Variants in CNTNAP5 observed in about 807,000 individuals in gnomAD.
CNTNAP5 encodes the protein contactin associated protein family member 5.
CNTNAP5 carries 72 observed loss-of-function variants against 150.2 expected under a neutral mutation model. The ratio of observed to expected loss-of-function variants is 0.48; its 90% CI spans 0.40 to 0.58. CNTNAP5 has a LOEUF of 0.58. Ranked by LOEUF, CNTNAP5 falls within the 20% of genes least tolerant of loss-of-function variation. The pLI is 0.00. For synonymous variants in CNTNAP5, 672 were observed against 619.8 expected, an observed-to-expected ratio of 1.08 and a Z score of -1.25; for missense variants, 1,636 against 1,626.2, an observed-to-expected ratio of 1.01 and a Z score of -0.10.
At chr2:124,874,245 G>A (rs970721959) in intron 21 of CNTNAP5, among the ~76,000 whole-genome samples, 4 of 152,000 alleles carry the variant, frequency 2.6e-5, no homozygotes. Flanking sequence ...CTGGCCTATT[G>A]CATCAGTGAA....
chr2:124,499,816 C>T (rs181816899), intron 7 of CNTNAP5, among the ~76,000 whole-genome samples: 111 of 152,204 alleles, frequency 7.3e-4, no homozygotes, highest in African/African-American at 2.6e-3. Context: ...AAAGTAGGGC[C>T]AGGATCTCTA....
At chr2:124,839,043 G>A (rs1182625661) in intron 19 of CNTNAP5, among the ~76,000 whole-genome samples, 8 of 151,950 alleles carry the variant, frequency 5.3e-5, no homozygotes, top group Non-Finnish European at 8.8e-5. Flanking sequence ...CAAAATTTAG[G>A]GTACTACGGA....
At chr2:124,340,450 C>T (rs1689582122) in intron 3 of CNTNAP5, among the ~76,000 whole-genome samples, 2 of 151,936 alleles carry the variant, frequency 1.3e-5, no homozygotes, top group Admixed American at 6.6e-5. Flanking sequence ...GAGGAGTAAT[C>T]AGTGATTTTC....
In CNTNAP5 at chr2:124,775,627, G is replaced by A. The variant is rs796576927; in HGVS notation, c.2752+2610G>A. Among the ~76,000 whole-genome samples the A allele has an allele frequency of 3.8e-4, 58 of 152,264 alleles. 1 individual carries two copies. The highest frequency in any genetic ancestry group is 1.3e-3 in the African/African-American group (54 of 41,554). On this transcript the variant is annotated intron_variant, in intron 17 of 23. Coordinates refer to ENST00000682447, the MANE Select transcript of CNTNAP5 (RefSeq NM_001367498.1). ...CTGCCCCTGTCATTGGAATGTGACAGGTTGAAGTGCTGATACATGAGTCAA... is the reference window on the plus strand; with the variant it reads ...CTGCCCCTGTCATTGGAATGTGACAAGTTGAAGTGCTGATACATGAGTCAA...
At chr2:124,368,726 G>A (rs1299912503) in intron 3 of CNTNAP5, among the ~76,000 whole-genome samples, 2 of 152,158 alleles carry the variant, frequency 1.3e-5, no homozygotes, top group Non-Finnish European at 2.9e-5. Flanking sequence ...AACACAGAGA[G>A]TGGTAAACTT....
chr2:124,844,618 C>T (rs1683009312), intron 19 of CNTNAP5, among the ~76,000 whole-genome samples: 1 of 152,054 alleles, frequency 6.6e-6, no homozygotes, highest in South Asian at 2.1e-4. Context: ...AATATTGATT[C>T]TACCCATCCA....
intron 11 of CNTNAP5, among the ~76,000 whole-genome samples, chr2:124,578,288 C>A (rs1696338299): frequency 6.7e-6 from 1 of 149,738 alleles, no homozygotes; most frequent in South Asian, 2.1e-4. Context: ...TGAGATGGAA[C>A]CACTGCACTC....
chr2:124,260,758 T>G (rs1687432592), intron 3 of CNTNAP5, among the ~76,000 whole-genome samples: 1 of 152,164 alleles, frequency 6.6e-6, no homozygotes, highest in African/African-American at 2.4e-5. Context: ...AAGGAAACAT[T>G]CATTCATTCA....
chr2:124,622,585 C>T (rs781692306), intron 12 of CNTNAP5, among the ~76,000 whole-genome samples: 8 of 152,176 alleles, frequency 5.3e-5, no homozygotes, highest in Admixed American at 1.3e-4. Flanking sequence ...ATACTCCCAC[C>T]GACAGTGTAA....
At chr2:124,834,347 C>A (rs1453374213) in intron 19 of CNTNAP5, among the ~76,000 whole-genome samples, 1 of 151,322 alleles carries the variant, frequency 6.6e-6, no homozygotes, top group African/African-American at 2.4e-5. Flanking sequence ...AAAAACAATG[C>A]TTTAGACAAT....
chr2:124,893,327 C>T (rs75362182), intron 21 of CNTNAP5, among the ~76,000 whole-genome samples: 1,735 of 152,150 alleles, frequency 0.011, 36 homozygotes, highest in African/African-American at 0.039. Context: ...CATTAGAGAT[C>T]GATTTGTGAG....
Position 124,902,906 on chromosome 2 carries a change from T to G in CNTNAP5, c.3461T>G (p.Val1154Gly). The G allele has an allele frequency of 6.2e-7, 1 of 1,609,748 alleles. No individual in the cohort carries two copies. The highest frequency in any genetic ancestry group is 8.5e-7 in the Non-Finnish European group (1 of 1,176,878). Residue 1154 changes from valine (V) to glycine (G), a missense_variant, in exon 22 of 24, where the codon GTT (valine) becomes GGT (glycine). Coordinates refer to ENST00000682447, the MANE Select transcript of CNTNAP5 (RefSeq NM_001367498.1). ...GAGAATCTTGGTTTGGATTCTGAAG[T>G]TGCTAAAGCAAATGCCATGGGTTTT... The part of the protein sequence containing the change: ...VTENLGLDSE[V>G]AKANAMGFAG...
At chr2:124,440,101 C>T (rs932353324) in intron 5 of CNTNAP5, among the ~76,000 whole-genome samples, 4 of 152,118 alleles carry the variant, frequency 2.6e-5, no homozygotes, top group Non-Finnish European at 5.9e-5. Context: ...AATCTTGTGG[C>T]TTCTTGGAGA....
intron 1 of CNTNAP5, among the ~76,000 whole-genome samples, chr2:124,107,966 G>A (rs530731223): frequency 5.1e-4 from 78 of 152,314 alleles, no homozygotes; most frequent in African/African-American, 1.7e-3. Flanking sequence ...ACAAAAGGTT[G>A]CATTATTTTG....
intron 1 of CNTNAP5, among the ~76,000 whole-genome samples, chr2:124,084,963 C>G (rs747995383): frequency 1.0e-4 from 11 of 108,940 alleles, no homozygotes; most frequent in Admixed American, 1.4e-4. Context: ...GCTTTGTTGC[C>G]CAGGCTGGAG....
Position 124,902,980 on chromosome 2 carries a change from G to C in CNTNAP5, c.3535G>C (p.Ala1179Pro). ...GTACAACCACATAGCACCACTGAAG[G>C]CTGCCCTGCGCCATGCCACTGTCGC... Reference protein sequence around the residue: ...VQYNHIAPLKAALRHATVAPV... With the variant: ...VQYNHIAPLKPALRHATVAPV... The change falls in exon 22 of 24, where the codon GCT (alanine) becomes CCT (proline). Residue 1179 changes from alanine to proline, a missense_variant. Ala to Pro is a conservative substitution (Grantham distance 27, BLOSUM62 -1). Transcript: ENST00000682447. 1.2e-6 allele frequency: 2 copies of C among 1,612,882 alleles called. No homozygotes were observed. Among genetic ancestry groups the C allele is most frequent in the Non-Finnish European group, 1.7e-6 (2 of 1,179,424 alleles).
At chr2:124,887,086 G>C (rs1678096606) in intron 21 of CNTNAP5, among the ~76,000 whole-genome samples, 1 of 152,018 alleles carries the variant, frequency 6.6e-6, no homozygotes, top group Admixed American at 6.6e-5. Flanking sequence ...AAGTATGGTT[G>C]TTAAGTGGAC....
intron 1 of CNTNAP5, among the ~76,000 whole-genome samples, chr2:124,026,481 CCCGGGGATCCA>C (rs1475893944): frequency 3.3e-5 from 5 of 152,184 alleles, no homozygotes; most frequent in African/African-American, 1.2e-4. Context: ...AGCCTGGGCT[CCCGGGGATCCA>C]CCAACTGCAC....
intron 19 of CNTNAP5, among the ~76,000 whole-genome samples, chr2:124,844,716 AT>A (rs199524097): frequency 6.7e-6 from 1 of 150,360 alleles, no homozygotes; most frequent in South Asian, 2.1e-4. Flanking sequence ...GGTTTTTAAA[AT>A]TTTTTTTTCC....
Sources: gnomAD v4.1 joint callset for allele counts (sites outside exome capture counted in the v4.1 genomes callset) on GRCh38, gnomAD v4.1.1 for gene constraint, MANE v1.5 for transcripts, NCBI Gene and HGNC (gene_info 2026-07-23, HGNC 2026-07-21) for gene names.